Variants in TTC34 observed in about 807,000 individuals in gnomAD.
The protein encoded by TTC34 is tetratricopeptide repeat protein 34.
TTC34 carries 44 observed loss-of-function variants against 40.7 expected under a neutral mutation model. That is an observed-to-expected ratio of 1.08 (90% CI 0.85 to 1.39). The LOEUF is 1.39. Ranked by LOEUF, TTC34 falls within the 40% of genes most tolerant of loss-of-function variation. The pLI is 0.00. For synonymous variants in TTC34, 422 were observed against 398.6 expected, an observed-to-expected ratio of 1.06 and a Z score of -0.70; for missense variants, 884 against 838.0, an observed-to-expected ratio of 1.05 and a Z score of -0.68.
chr1:2,686,074 C>G (rs1217550608), intron 6 of TTC34, among the ~76,000 whole-genome samples: 1 of 125,014 alleles, frequency 8.0e-6, no homozygotes, highest in South Asian at 2.6e-4. Context: ...TGGAGAAGCA[C>G]CCACACCCCC....
At chr1:2,767,930 C>T (rs1641829902) in intron 6 of TTC34, among the ~76,000 whole-genome samples, 1 of 150,318 alleles carries the variant, frequency 6.7e-6, no homozygotes, top group South Asian at 2.2e-4. Context: ...ACCACACACC[C>T]CAAGGTGGGC....
rs1183393584 is a variant in TTC34 at position 2,641,613 on chromosome 1, C to A, written c.2995G>T (p.Ala999Ser). ...GCCAGCTTCAGGGCCTGGGCAAAGG[C>A]CCCTGCGGCCGCCGCCTCATCCCCC... Residue 999 changes from alanine to serine, a missense_variant, in exon 9 of 9, where the codon GCC becomes TCC. Physicochemically the swap from Ala to Ser is moderately conservative, Grantham distance 99. Coordinates refer to ENST00000401095, the Ensembl canonical transcript of TTC34. The A allele has an allele frequency of 2.0e-6, 3 of 1,534,126 alleles. No homozygotes were observed. In the South Asian group the frequency reaches 3.6e-5, roughly 18 times the overall value.
chr1:2,698,843 C>G (rs1333444478), intron 6 of TTC34, among the ~76,000 whole-genome samples: 271 of 139,148 alleles, frequency 1.9e-3, no homozygotes, highest in Middle Eastern at 3.7e-3. Flanking sequence ...GCAACAGTAC[C>G]CACACTCCCA....
chr1:2,783,040 CT>C (rs1192315897), intron 6 of TTC34, among the ~76,000 whole-genome samples: 4 of 152,230 alleles, frequency 2.6e-5, no homozygotes, highest in Non-Finnish European at 5.9e-5. Flanking sequence ...GCCATTGCCC[CT>C]CTCCCAACTT....
At chr1:2,682,070 C>G (rs1372681437) in intron 6 of TTC34, among the ~76,000 whole-genome samples, 2 of 130,208 alleles carry the variant, frequency 1.5e-5, no homozygotes, top group African/African-American at 6.1e-5. Flanking sequence ...CCCACACCCA[C>G]AGGTGAGCAT....
chr1:2,784,018 G>A (rs908710104), intron 5 of TTC34, among the ~76,000 whole-genome samples: 6 of 152,154 alleles, frequency 3.9e-5, no homozygotes, highest in Non-Finnish European at 8.8e-5. Context: ...AGGGGGCACT[G>A]CAGCTGCCTC....
At chr1:2,677,053 C>CGT (rs1639932148) in intron 6 of TTC34, among the ~76,000 whole-genome samples, 1 of 63,798 alleles carries the variant, frequency 1.6e-5, no homozygotes. Flanking sequence ...CCCACAACCC[C>CGT]AAGTGAGCAT....
intron 6 of TTC34, among the ~76,000 whole-genome samples, chr1:2,683,333 C>A (rs1190597864): frequency 6.8e-6 from 1 of 147,788 alleles, no homozygotes; most frequent in Non-Finnish European, 1.5e-5. Context: ...ATCTGACAGA[C>A]TGGAACACCA....
chr1:2,773,100 C>T (rs1279398443), intron 6 of TTC34, among the ~76,000 whole-genome samples: 1 of 149,706 alleles, frequency 6.7e-6, no homozygotes, highest in Non-Finnish European at 1.5e-5. Context: ...ACCCACACCC[C>T]CAGGCGAGCA....
chr1:2,644,155 A>C (rs1476873936), intron 8 of TTC34, 109 bp downstream of exon 8: 4 of 1,186,418 alleles, frequency 3.4e-6, no homozygotes, highest in Non-Finnish European at 3.5e-6. Context: ...ACTGAAATCA[A>C]CCCAACCGCA....
intron 6 of TTC34, among the ~76,000 whole-genome samples, chr1:2,681,679 T>G (rs1271568681): frequency 2.8e-5 from 1 of 35,150 alleles, no homozygotes; most frequent in African/African-American, 9.2e-5. Context: ...AGGTGAGCAT[T>G]TGACAGCCTG....
intron 6 of TTC34, among the ~76,000 whole-genome samples, chr1:2,688,505 C>T (rs1230017201): frequency 8.1e-5 from 11 of 135,066 alleles, no homozygotes; most frequent in African/African-American, 3.2e-4. Context: ...AGGTGAGCAT[C>T]TGACAGCCTG....
intron 2 of TTC34, among the ~76,000 whole-genome samples, chr1:2,797,206 A>T (rs1643716839): frequency 6.6e-6 from 1 of 152,086 alleles, no homozygotes; most frequent in South Asian, 2.1e-4. Context: ...TTCCATGATT[A>T]TGCACATCAA....
At chr1:2,750,044 C>A (rs1275401749) in intron 6 of TTC34, among the ~76,000 whole-genome samples, 5 of 101,798 alleles carry the variant, frequency 4.9e-5, no homozygotes, top group Admixed American at 1.0e-4. Context: ...AGCACCCACA[C>A]CCTCAGGTGA....
intron 6 of TTC34, among the ~76,000 whole-genome samples, chr1:2,700,317 G>A (rs1486952758): frequency 1.8e-5 from 2 of 110,516 alleles, no homozygotes; most frequent in African/African-American, 5.7e-5. Flanking sequence ...CCGACAGTCT[G>A]GGGCAGCACC....
chr1:2,692,471 T>C (rs1327263926), intron 6 of TTC34, among the ~76,000 whole-genome samples: 4 of 86,148 alleles, frequency 4.6e-5, no homozygotes, highest in Non-Finnish European at 7.7e-5. Context: ...CACCCCCAGG[T>C]GAGCATCTGA....
intron 6 of TTC34, chr1:2,775,420 C>G (rs1643040766): frequency 6.7e-6 from 1 of 148,170 alleles, no homozygotes; most frequent in South Asian, 2.1e-4. Flanking sequence ...CAGCCTGGAA[C>G]AGCACCCACA....
intron 6 of TTC34, among the ~76,000 whole-genome samples, chr1:2,755,914 G>C (rs1234098560): frequency 4.9e-5 from 4 of 82,416 alleles, no homozygotes; most frequent in Admixed American, 2.2e-4. Flanking sequence ...CCCCAGGTGA[G>C]CATCTGACAG....
chr1:2,673,555 AC>A (rs1291107480), intron 6 of TTC34, among the ~76,000 whole-genome samples: 1 of 43,560 alleles, frequency 2.3e-5, no homozygotes, highest in Non-Finnish European at 5.0e-5. Context: ...CAGCACCAAC[AC>A]CCCCAGGCGA....
Sources: allele counts gnomAD v4.1 joint callset (sites outside exome capture counted in the v4.1 genomes callset), GRCh38; gene constraint gnomAD v4.1.1; transcripts MANE v1.5; gene names NCBI Gene and HGNC (gene_info 2026-07-23, HGNC 2026-07-21).